Variants in RFC3 observed in about 807,000 individuals in gnomAD.
RFC3 encodes the protein replication factor C subunit 3.
Under a neutral mutation model 45.1 loss-of-function variants are expected in RFC3, and 41 were observed. That is an observed-to-expected ratio of 0.91 (90% CI 0.71 to 1.18). RFC3 has a LOEUF of 1.18. RFC3 is among the 50% of genes most tolerant of loss of function. The probability of loss-of-function intolerance (pLI) is 0.00; values close to 1 mark genes in which losing one functional copy is unlikely to be tolerated. For missense variants in RFC3, 423 were observed against 428.1 expected (o/e 0.99, Z 0.10); for synonymous variants, 149 against 144.0 (o/e 1.03, Z -0.25).
intron 8 of RFC3, chr13:33,848,278 T>A (rs1354551526): frequency 6.6e-6 from 1 of 152,230 alleles, no homozygotes; most frequent in Non-Finnish European, 1.5e-5. Context: ...CAGTGGGGAT[T>A]ATCTGGGGTT....
chr13:33,835,276 T>C (rs755363742), intron 8 of RFC3, 59 bp downstream of exon 8: 2 of 1,034,488 alleles, frequency 1.9e-6, no homozygotes, highest in Non-Finnish European at 3.1e-6. Context: ...GCTGGGTGTG[T>C]GATCATAGGG....
the RFC3 span, among the ~76,000 whole-genome samples, chr13:33,975,157 A>T: frequency 6.6e-6 from 1 of 152,252 alleles, no homozygotes; most frequent in Non-Finnish European, 1.5e-5. Flanking sequence ...TTCAAAGGTG[A>T]ATTGATGAAC....
chr13:33,899,812 A>G (rs1439010257), intron 8 of RFC3, among the ~76,000 whole-genome samples: 1 of 152,016 alleles, frequency 6.6e-6, no homozygotes, highest in African/African-American at 2.4e-5. Flanking sequence ...GTTAGAACTG[A>G]TAAATAAATT....
downstream of RFC3, among the ~76,000 whole-genome samples, chr13:33,840,939 G>T (rs2082193796): frequency 6.6e-6 from 1 of 152,142 alleles, no homozygotes; most frequent in South Asian, 2.1e-4. Flanking sequence ...ACAGCCAAGA[G>T]AAATGTAAAC....
intron 8 of RFC3, among the ~76,000 whole-genome samples, chr13:33,924,521 G>A (rs537418508): frequency 6.6e-6 from 1 of 151,536 alleles, no homozygotes; most frequent in African/African-American, 2.4e-5. Flanking sequence ...AGCTTGCAAG[G>A]CCTGAAACAT....
chr13:33,951,462 A>T (rs1339637557), intron 8 of RFC3, among the ~76,000 whole-genome samples: 1 of 151,764 alleles, frequency 6.6e-6, no homozygotes, highest in Non-Finnish European at 1.5e-5. Flanking sequence ...CCATCTCTGG[A>T]CCTCATGATC....
downstream of RFC3, among the ~76,000 whole-genome samples, chr13:33,968,451 C>T (rs529424632): frequency 6.6e-6 from 1 of 152,272 alleles, no homozygotes; most frequent in Middle Eastern, 3.4e-3. Context: ...ACAAATGTAG[C>T]TGAGAACATG....
rs1299640313 is a variant in RFC3 at position 33,836,192 on chromosome 13, A to C, written c.968A>C (p.Gln323Pro). Residue 323 changes from glutamine to proline, a missense_variant, in exon 9 of 9, where the codon CAG (glutamine) becomes CCG (proline). Transcript: ENST00000380071. ...QMAAYYEHRLQLGSKAIYHLE... is the reference protein window; with the variant it reads ...QMAAYYEHRLPLGSKAIYHLE... ...GCAGCTTACTATGAGCATCGTCTAC[A>C]GCTGGGTAGCAAAGCCATTTATCAC... The C allele has an allele frequency of 6.2e-7, 1 of 1,613,568 alleles. No individual in the cohort carries two copies. The highest frequency in any genetic ancestry group is 8.5e-7 in the Non-Finnish European group (1 of 1,179,570).
At chr13:33,841,204 C>T (rs1004617957), downstream of RFC3, among the ~76,000 whole-genome samples, 1 of 152,212 alleles carries the variant, frequency 6.6e-6, no homozygotes, top group Non-Finnish European at 1.5e-5. Flanking sequence ...TCATCCTTCT[C>T]CACCCCTTCC....
chr13:33,824,775 C>T (rs296896), intron 3 of RFC3, among the ~76,000 whole-genome samples: 26,971 of 152,048 alleles, frequency 0.18, 3,571 homozygotes, highest in African/African-American at 0.33. Context: ...TGTATTATTA[C>T]ATTTAATCCT....
intron 8 of RFC3, among the ~76,000 whole-genome samples, chr13:33,908,138 A>T (rs1245150147): frequency 6.6e-6 from 1 of 152,076 alleles, no homozygotes; most frequent in Non-Finnish European, 1.5e-5. Context: ...TTTCATTAAT[A>T]AGATTAATAA....
intron 8 of RFC3, among the ~76,000 whole-genome samples, chr13:33,962,247 A>G (rs1426628717): frequency 6.6e-6 from 1 of 152,210 alleles, no homozygotes; most frequent in Non-Finnish European, 1.5e-5. Context: ...ATGTAAAGGA[A>G]GATTTGATGG....
chr13:33,910,321 T>A (rs1394080762), intron 8 of RFC3, among the ~76,000 whole-genome samples: 1 of 152,116 alleles, frequency 6.6e-6, no homozygotes, highest in Admixed American at 6.6e-5. Context: ...TTAGACATTA[T>A]CTTTTCTAAG....
chr13:33,881,674 C>A lies in RFC3; in HGVS notation c.879+46457C>A, dbSNP rs190802994. On this transcript the variant is annotated intron_variant, in intron 8 of 8. Coordinates refer to the RFC3 transcript ENST00000434425. ...TCAAATCAGGATATCCTGTTCACAA[C>A]CTACACCCTCTCGTTCCCTCTGTCC... is the stretch of plus-strand genomic sequence containing the variant. 3.3e-5 allele frequency among the ~76,000 whole-genome samples: 5 copies of A among 152,200 alleles called. No individual in the cohort carries two copies. In the East Asian group the frequency reaches 9.7e-4, roughly 29 times the overall value.
At chr13:33,896,757 A>G (rs2082602178) in intron 8 of RFC3, among the ~76,000 whole-genome samples, 1 of 150,730 alleles carries the variant, frequency 6.6e-6, no homozygotes, top group Non-Finnish European at 1.5e-5. Flanking sequence ...AGTAACATAT[A>G]AAGAGGCTCT....
At chr13:33,889,817 CTGCCTG>C (rs879275450) in intron 8 of RFC3, among the ~76,000 whole-genome samples, 28 of 152,312 alleles carry the variant, frequency 1.8e-4, no homozygotes, top group Non-Finnish European at 3.2e-4. Flanking sequence ...CAGTATTTGT[CTGCCTG>C]TGCCTGGTTT....
intron 8 of RFC3, among the ~76,000 whole-genome samples, chr13:33,897,351 A>C (rs1395548228): frequency 1.3e-5 from 2 of 152,022 alleles, no homozygotes; most frequent in Admixed American, 1.3e-4. Context: ...CTCTTTAAAA[A>C]TAACTTGTTA....
chr13:33,831,860 C>T (rs1378592984), intron 7 of RFC3, among the ~76,000 whole-genome samples: 1 of 152,078 alleles, frequency 6.6e-6, no homozygotes, highest in African/African-American at 2.4e-5. Flanking sequence ...ATTATTATTG[C>T]CTCACCAAGG....
intron 8 of RFC3, among the ~76,000 whole-genome samples, chr13:33,889,314 T>G (rs1415427764): frequency 2.0e-5 from 3 of 152,180 alleles, no homozygotes; most frequent in Non-Finnish European, 4.4e-5. Flanking sequence ...TAACCTTTAG[T>G]AAGATTTTTT....
Sources: gnomAD v4.1 joint callset for allele counts (sites outside exome capture counted in the v4.1 genomes callset) on GRCh38, gnomAD v4.1.1 for gene constraint, MANE v1.5 for transcripts, NCBI Gene and HGNC (gene_info 2026-07-23, HGNC 2026-07-21) for gene names.